ZNF536: variants seen among roughly 807,000 people sequenced by gnomAD.
The protein encoded by ZNF536 is zinc finger protein 536.
In ZNF536, 13 loss-of-function variants were observed where a neutral mutation model predicts 84.5. The observed-to-expected ratio is 0.15, with a 90% CI of 0.10 to 0.24. ZNF536 has a LOEUF of 0.24. ZNF536 is among the 10% of genes least tolerant of loss of function. The pLI is 1.00. For synonymous variants in ZNF536, 811 were observed against 742.5 expected, an observed-to-expected ratio of 1.09 and a Z score of -1.50; for missense variants, 1,536 against 1,747.5, an observed-to-expected ratio of 0.88 and a Z score of 2.16.
chr19:30,395,954 AC>A (rs1171824653), intron 1 of ZNF536, among the ~76,000 whole-genome samples: 1 of 152,154 alleles, frequency 6.6e-6, no homozygotes, highest in Non-Finnish European at 1.5e-5. Context: ...TACAATTGTT[AC>A]CACTGATGAA....
chr19:30,318,712 A>T (rs1485479456), intron 2 of ZNF536, among the ~76,000 whole-genome samples: 2 of 152,172 alleles, frequency 1.3e-5, no homozygotes, highest in Admixed American at 6.5e-5. Flanking sequence ...GTGCGCTTGC[A>T]TGTATATGTC....
intron 2 of ZNF536, among the ~76,000 whole-genome samples, chr19:30,500,049 C>T (rs1163620883): frequency 1.3e-5 from 2 of 152,190 alleles, no homozygotes; most frequent in Non-Finnish European, 2.9e-5. Context: ...TATGCCAGCT[C>T]TTTTTACCAA....
intron 3 of ZNF536, among the ~76,000 whole-genome samples, chr19:30,537,587 G>A (rs1158374175): frequency 1.9e-5 from 2 of 102,796 alleles, no homozygotes; most frequent in East Asian, 1.9e-4. Flanking sequence ...TCAGCTTCCC[G>A]GGGGGTAAGA....
intron 1 of ZNF536, among the ~76,000 whole-genome samples, chr19:30,394,916 C>A (rs1205364800): frequency 1.3e-5 from 2 of 152,116 alleles, no homozygotes; most frequent in Non-Finnish European, 1.5e-5. Flanking sequence ...AGGGGTCAAC[C>A]CCTTAACACT....
intron 1 of ZNF536, among the ~76,000 whole-genome samples, chr19:30,232,020 G>T (rs2144660899): frequency 6.6e-6 from 1 of 152,242 alleles, no homozygotes; most frequent in South Asian, 2.1e-4. Flanking sequence ...GAATAGAGAT[G>T]CTAGGAAACA....
rs145988203 is a variant in ZNF536 at position 30,445,230 on chromosome 19, G to C, written c.1668G>C (p.Gly556=). 6 of 1,614,048 alleles carry C rather than the reference G, an allele frequency of 3.7e-6. No individual in the cohort carries two copies. Among genetic ancestry groups the C allele is most frequent in the Non-Finnish European group, 5.1e-6 (6 of 1,180,048 alleles). ...ACGAAGACACTTTGGCAAACGCCGG[G>C]GTTCTGTTTGATAAGGAGAAGCGGG... The part of the protein sequence containing the change: ...RNHEDTLANA[G]VLFDKEKREY... The change falls in exon 2 of 5, where the codon GGG becomes GGC. Residue 556 remains glycine (G), a synonymous_variant. Coordinates refer to ENST00000355537, the MANE Select transcript of ZNF536 (RefSeq NM_014717.3). The surrounding 1 kb of genome is among the most constrained non-coding windows in gnomAD (Gnocchi z 4.5).
At chr19:30,659,478 T>C (rs899423481) in intron 1 of ZNF536, among the ~76,000 whole-genome samples, 6 of 151,796 alleles carry the variant, frequency 4.0e-5, no homozygotes, top group Non-Finnish European at 7.4e-5. Flanking sequence ...TATTAGTCTG[T>C]TTTCAAGCTA....
intron 1 of ZNF536, among the ~76,000 whole-genome samples, chr19:30,381,536 A>G (rs918576547): frequency 6.6e-6 from 1 of 152,202 alleles, no homozygotes; most frequent in Non-Finnish European, 1.5e-5. Context: ...CTTGCAGGGC[A>G]CAGGTCCCAA....
At chr19:30,532,995 G>C (rs2044907679) in intron 2 of ZNF536, among the ~76,000 whole-genome samples, 1 of 152,138 alleles carries the variant, frequency 6.6e-6, no homozygotes. Context: ...ATGTGGATGA[G>C]CCTAACTTCC....
upstream of ZNF536, among the ~76,000 whole-genome samples, chr19:30,227,792 C>T (rs1157120980): frequency 6.6e-6 from 1 of 151,918 alleles, no homozygotes; most frequent in Non-Finnish European, 1.5e-5. Flanking sequence ...CCGACAGGGG[C>T]CGCGTTTGCT....
At chr19:30,272,146 G>C (rs1225426621) in intron 1 of ZNF536, among the ~76,000 whole-genome samples, 2 of 152,182 alleles carry the variant, frequency 1.3e-5, no homozygotes, top group Admixed American at 6.5e-5. Context: ...CTAGGGAAGA[G>C]GGGTTCACTG....
intron 1 of ZNF536, among the ~76,000 whole-genome samples, chr19:30,618,796 C>CT (rs1170375731): frequency 4.0e-5 from 6 of 151,086 alleles, no homozygotes; most frequent in East Asian, 1.9e-4. Context: ...CCATAGGATT[C>CT]TTTTTTTTTC....
At chr19:30,700,531 A>T (rs1001880788) in intron 1 of ZNF536, among the ~76,000 whole-genome samples, 9 of 152,108 alleles carry the variant, frequency 5.9e-5, no homozygotes, top group Admixed American at 5.9e-4. Flanking sequence ...GGGATCACAG[A>T]TGTGTGCCAC....
chr19:30,429,115 T>A (rs2051339144), intron 1 of ZNF536, among the ~76,000 whole-genome samples: 1 of 152,138 alleles, frequency 6.6e-6, no homozygotes, highest in Non-Finnish European at 1.5e-5. Flanking sequence ...CCAGGCCCAC[T>A]GATGTAGTGG....
chr19:30,569,656 T>G (rs8113361), intron 1 of ZNF536, among the ~76,000 whole-genome samples: 5 of 146,920 alleles, frequency 3.4e-5, no homozygotes, highest in Admixed American at 2.1e-4. Flanking sequence ...CTGCAACTTC[T>G]GCCTCCTGGG....
intron 2 of ZNF536, among the ~76,000 whole-genome samples, chr19:30,324,595 T>G (rs1017326493): frequency 1.3e-4 from 20 of 152,208 alleles, no homozygotes; most frequent in Non-Finnish European, 2.5e-4. Context: ...TCTCACTACA[T>G]TAATCAGGCT....
chr19:30,703,090 G>A (rs1312865925), intron 1 of ZNF536, among the ~76,000 whole-genome samples: 1 of 152,186 alleles, frequency 6.6e-6, no homozygotes, highest in African/African-American at 2.4e-5. Flanking sequence ...GGCAGAGGCA[G>A]CTGCATGGAG....
chr19:30,392,859 C>T (rs916504446), intron 1 of ZNF536, among the ~76,000 whole-genome samples: 6 of 152,126 alleles, frequency 3.9e-5, no homozygotes, highest in South Asian at 2.1e-4. Flanking sequence ...ACAGGGTGCA[C>T]GCTCATTTAA....
At chr19:30,614,389 CTA>C (rs374535317) in intron 1 of ZNF536, among the ~76,000 whole-genome samples, 24 of 138,636 alleles carry the variant, frequency 1.7e-4, no homozygotes, top group Admixed American at 2.4e-4. Flanking sequence ...TTATACATAA[CTA>C]TATATATATA....
Sources: gnomAD v4.1 joint callset for allele counts (sites outside exome capture counted in the v4.1 genomes callset) on GRCh38, gnomAD v4.1.1 for gene constraint, Gnocchi (gnomAD v3.1) non-coding constraint, MANE v1.5 for transcripts, NCBI Gene and HGNC (gene_info 2026-07-23, HGNC 2026-07-21) for gene names.